The following CHD8 variants were observed in gnomAD, a reference collection of about 807,000 sequenced individuals.
CHD8 encodes the protein chromodomain helicase DNA binding protein 8.
CHD8 carries 31 observed loss-of-function variants against 279.2 expected under a neutral mutation model. The observed-to-expected ratio is 0.11, with a 90% CI of 0.08 to 0.15. CHD8 has a LOEUF of 0.15. Among genes scored for constraint, CHD8 ranks in the 10% least tolerant of loss-of-function variants. The pLI, the probability that CHD8 is intolerant of heterozygous loss-of-function variation, is 1.00. For synonymous variants in CHD8, 1,081 were observed against 1,139.6 expected, an observed-to-expected ratio of 0.95 and a Z score of 1.04; for missense variants, 2,146 against 3,230.5, an observed-to-expected ratio of 0.66 and a Z score of 8.14.
intron 37 of CHD8, among the ~76,000 whole-genome samples, chr14:21,387,701 G>A (rs1594321412): frequency 6.6e-6 from 1 of 150,586 alleles, no homozygotes; most frequent in East Asian, 2.0e-4. Context: ...AGTTACTCAG[G>A]AGGCTGAGGC....
chr14:21,426,247 A>G lies in CHD8; in HGVS notation c.1602-5T>C. 1 of 1,501,086 alleles carries G rather than the reference A, an allele frequency of 6.7e-7. No homozygotes were observed. Among genetic ancestry groups the G allele is most frequent in the Non-Finnish European group, 9.1e-7 (1 of 1,094,680 alleles). 93.0% of individuals were successfully genotyped at this position (1,501,086 alleles called of 1,614,324 possible). A position where few individuals can be genotyped will look rare whatever the true frequency, so the allele number is the denominator to read the frequency against. The stretch of plus-strand genomic sequence containing the variant: ...CCCACTACAGGAGTGATGGTGCTAA[A>G]AAGGAAAAACCAAATTCATTTTCAG... On this transcript the variant is annotated splice_region_variant and splice_polypyrimidine_tract_variant and intron_variant, in intron 4 of 37. Coordinates refer to ENST00000646647, the MANE Select transcript of CHD8 (RefSeq NM_001170629.2).
Position 21,404,398 on chromosome 14 carries a change from T to TAA in CHD8, c.3308-737_3308-736dup, listed in dbSNP as rs974957250. ...GGGCGACAATAGTGAAACTCCATCT[T>TAA]AAAAAAAAAAAAAAAAAAAAAACTT... On this transcript the variant is annotated intron_variant, in intron 16 of 37. Coordinates refer to ENST00000646647, the MANE Select transcript of CHD8 (RefSeq NM_001170629.2). Among the ~76,000 whole-genome samples the TAA allele has an allele frequency of 4.1e-3, 404 of 98,582 alleles. 2 individuals are homozygous for TAA. The highest frequency in any genetic ancestry group is 0.014 in the African/African-American group (368 of 27,152). 64.7% of individuals were successfully genotyped at this position (98,582 alleles called of 152,430 possible). A position where few individuals can be genotyped will look rare whatever the true frequency, so the allele number is the denominator to read the frequency against.
At position 21,456,021 on chromosome 14, in the gene CHD8, G is replaced by T. The variant is rs1022905471; in HGVS notation, c.-216+11C>A. The T allele has an allele frequency of 1.3e-5, 2 of 152,294 alleles. No homozygotes were observed. Among genetic ancestry groups the T allele is most frequent in the Non-Finnish European group, 2.9e-5 (2 of 68,184 alleles). The allele number at this position is 152,294 out of a possible 1,614,324, so 9.4% of individuals were successfully genotyped here. On this transcript the variant is annotated intron_variant, in intron 1 of 37. Transcript: ENST00000646647. ...CCAGCACTGAGGAGCGGGTGCGAGC[G>T]GGAAGCCTACCTGTGCAAGTCCTGG...
Position 21,428,011 on chromosome 14 carries a change from C to A in CHD8, c.1459G>T (p.Asp487Tyr). The A allele has an allele frequency of 6.2e-7, 1 of 1,614,066 alleles. No homozygotes were observed. Among genetic ancestry groups the A allele is most frequent in the Non-Finnish European group, 8.5e-7 (1 of 1,179,898 alleles). Reference protein sequence around the residue: ...EQNIPRVLNEDELPSVRPEEE... With the variant: ...EQNIPRVLNEYELPSVRPEEE... ...TCTGGCCGAACGCTGGGCAACTCGT[C>A]CTCATTTAAGACTCGAGGTATGTTC... Residue 487 changes from aspartate to tyrosine, a missense_variant, in exon 4 of 38, where the codon GAC becomes TAC. Transcript: ENST00000646647.
At chr14:21,450,274 C>T (rs1042810458) in intron 1 of CHD8, among the ~76,000 whole-genome samples, 3 of 152,066 alleles carry the variant, frequency 2.0e-5, no homozygotes, top group African/African-American at 7.2e-5. Flanking sequence ...AAATAAGCAG[C>T]CAAACTATAG....
chr14:21,416,310 G>C (rs1437465803), intron 5 of CHD8: 1 of 158,492 alleles, frequency 6.3e-6, no homozygotes, highest in Non-Finnish European at 1.4e-5. Context: ...TTAATAAACA[G>C]AATCTACTGT....
At chr14:21,441,681 GAT>G in intron 1 of CHD8, among the ~76,000 whole-genome samples, 1 of 152,118 alleles carries the variant, frequency 6.6e-6, no homozygotes, top group Non-Finnish European at 1.5e-5. Flanking sequence ...GAGGTCAGGA[GAT>G]GGAGACCATC....
At position 21,445,688 on chromosome 14, in the gene CHD8, C is replaced by CAAAAAA. The variant is rs747923350; in HGVS notation, c.-216+10338_-216+10343dup. ...CGGGCAACAGAGCAGGATTCGGTCT[C>CAAAAAA]AAAAAAAAAAAAAAAAAAAAAAAAA... On this transcript the variant is annotated intron_variant, in intron 1 of 37. Transcript: ENST00000646647. 4.1e-3 allele frequency among the ~76,000 whole-genome samples: 70 copies of CAAAAAA among 17,262 alleles called. 4 individuals are homozygous for CAAAAAA. Among genetic ancestry groups the CAAAAAA allele is most frequent in the African/African-American group, 0.013 (69 of 5,162 alleles). The allele number at this position is 17,262 out of a possible 152,430, so 11.3% of individuals were successfully genotyped here.
chr14:21,448,993 T>C (rs1890193708), intron 1 of CHD8, among the ~76,000 whole-genome samples: 1 of 151,300 alleles, frequency 6.6e-6, no homozygotes, highest in African/African-American at 2.4e-5. Context: ...GCTAACAAGG[T>C]GAAACCCCAT....
chr14:21,438,292 C>T (rs1889864834), intron 1 of CHD8, among the ~76,000 whole-genome samples: 1 of 151,988 alleles, frequency 6.6e-6, no homozygotes, highest in Admixed American at 6.5e-5. Context: ...AACTCCTGAC[C>T]TCAAGTGACC....
intron 5 of CHD8, among the ~76,000 whole-genome samples, chr14:21,421,821 T>G (rs1357964810): frequency 6.6e-6 from 1 of 152,110 alleles, no homozygotes; most frequent in African/African-American, 2.4e-5. Context: ...GGTCATTAAG[T>G]TAAAATAAAG....
intron 1 of CHD8, among the ~76,000 whole-genome samples, chr14:21,437,896 T>A (rs1889852878): frequency 6.6e-6 from 1 of 152,096 alleles, no homozygotes; most frequent in African/African-American, 2.4e-5. Context: ...CAAACACTCC[T>A]CACCCTCTAA....
At chr14:21,448,805 C>T (rs1372346589) in intron 1 of CHD8, among the ~76,000 whole-genome samples, 1 of 151,054 alleles carries the variant, frequency 6.6e-6, no homozygotes, top group Non-Finnish European at 1.5e-5. Context: ...CCTCATGATC[C>T]ACCCGCCTCG....
chr14:21,394,448 C>T lies in CHD8; in HGVS notation c.5428G>A (p.Val1810Met), dbSNP rs777491813. Residue 1810 changes from valine (V) to methionine (M), a missense_variant, in exon 31 of 38, where the codon GTG becomes ATG. Coordinates refer to ENST00000646647, the MANE Select transcript of CHD8 (RefSeq NM_001170629.2). ...RREQTDFYRV[V>M]STFGVEYDPD... ...TCATATTCCACACCAAACGTAGACACCACTCGATAAAAATCAGTTTGTTCA... is the reference window on the plus strand; with the variant it reads ...TCATATTCCACACCAAACGTAGACATCACTCGATAAAAATCAGTTTGTTCA... The T allele has an allele frequency of 5.6e-6, 9 of 1,610,382 alleles. No individual in the cohort carries two copies. The South Asian group carries it at 9.9e-5, about 18-fold the overall frequency.
intron 1 of CHD8, among the ~76,000 whole-genome samples, chr14:21,449,455 A>G (rs1035880433): frequency 3.3e-5 from 5 of 152,226 alleles, no homozygotes; most frequent in African/African-American, 1.2e-4. Flanking sequence ...TCAAAGCAAA[A>G]TTACTCCTCA....
chr14:21,450,873 G>T (rs1226587656), intron 1 of CHD8, among the ~76,000 whole-genome samples: 1 of 152,070 alleles, frequency 6.6e-6, no homozygotes, highest in Non-Finnish European at 1.5e-5. Flanking sequence ...ACTACCCAAA[G>T]GATTGGCACT....
intron 13 of CHD8, among the ~76,000 whole-genome samples, chr14:21,407,530 GAAAC>G (rs751520139): frequency 6.6e-6 from 1 of 152,072 alleles, no homozygotes; most frequent in Non-Finnish European, 1.5e-5. Flanking sequence ...AACTAATAGA[GAAAC>G]AATAAAATTC....
At chr14:21,390,244 A>G (rs1887466371) in intron 37 of CHD8, among the ~76,000 whole-genome samples, 1 of 152,178 alleles carries the variant, frequency 6.6e-6, no homozygotes, top group Non-Finnish European at 1.5e-5. Context: ...TCAAAAAAAC[A>G]GAAAACTTAA....
chr14:21,420,309 C>T lies in CHD8; in HGVS notation c.1717-4402G>A, dbSNP rs952094925. 4.6e-5 allele frequency among the ~76,000 whole-genome samples: 7 copies of T among 152,338 alleles called. No homozygotes were observed. In the East Asian group the frequency reaches 5.8e-4, roughly 13 times the overall value. ...CTCTTCTAGCCCTGTGCTCTGTGGG[C>T]GCAGCCACCCCTTCTTTAGGTTGAT... On this transcript the variant is annotated intron_variant, in intron 5 of 37. Transcript: ENST00000646647.
Sources: gnomAD v4.1 joint callset for allele counts (sites outside exome capture counted in the v4.1 genomes callset) on GRCh38, gnomAD v4.1.1 for gene constraint, MANE v1.5 for transcripts, NCBI Gene and HGNC (gene_info 2026-07-23, HGNC 2026-07-21) for gene names.